Variants in ENTPD1 observed in about 807,000 individuals in gnomAD.
The protein encoded by ENTPD1 is ectonucleoside triphosphate diphosphohydrolase 1.
A neutral mutation model predicts 57.0 loss-of-function variants in ENTPD1; 33 were observed. The ratio of observed to expected loss-of-function variants is 0.58; its 90% CI spans 0.44 to 0.77. The LOEUF (loss-of-function observed/expected upper bound fraction) is 0.77, where lower values mean the gene tolerates loss of function less well. Among genes scored for constraint, ENTPD1 ranks in the 30% least tolerant of loss-of-function variants. The pLI is 0.00. For synonymous variants in ENTPD1, 202 were observed against 218.8 expected (o/e 0.92, Z 0.68); for missense variants, 501 against 603.4 (o/e 0.83, Z 1.78).
intron 1 of ENTPD1, among the ~76,000 whole-genome samples, chr10:95,745,381 C>A (rs575700214): frequency 6.6e-6 from 1 of 152,132 alleles, no homozygotes; most frequent in South Asian, 2.1e-4. Flanking sequence ...AAGACGAGAT[C>A]CATTATGTTG....
chr10:95,792,719 G>T (rs2098210036), intron 1 of ENTPD1, among the ~76,000 whole-genome samples: 1 of 152,166 alleles, frequency 6.6e-6, no homozygotes, highest in African/African-American at 2.4e-5. Context: ...TTGGTTTTTA[G>T]GCTGGTCTGT....
chr10:95,729,445 C>G (rs1270260067), intron 1 of ENTPD1, among the ~76,000 whole-genome samples: 1 of 152,180 alleles, frequency 6.6e-6, no homozygotes, highest in Non-Finnish European at 1.5e-5. Context: ...AGGGCACTAT[C>G]TGTTTCCTCA....
intron 1 of ENTPD1, among the ~76,000 whole-genome samples, chr10:95,768,530 C>A (rs1445955045): frequency 2.0e-5 from 3 of 150,574 alleles, no homozygotes; most frequent in Non-Finnish European, 4.4e-5. Context: ...CTTTCTCCTT[C>A]CTTCTTTATT....
chr10:95,708,843 T>C (rs2097963536), upstream of ENTPD1, among the ~76,000 whole-genome samples: 1 of 152,204 alleles, frequency 6.6e-6, no homozygotes, highest in African/African-American at 2.4e-5. Flanking sequence ...TGTGGTAGTA[T>C]GTATGTTGTG....
chr10:95,789,687 A>C (rs1444104888), intron 1 of ENTPD1, among the ~76,000 whole-genome samples: 2 of 152,230 alleles, frequency 1.3e-5, no homozygotes, highest in African/African-American at 4.8e-5. Context: ...TGAAATATAC[A>C]CAAATCTATT....
chr10:95,806,434 G>A (rs1371664134), intron 1 of ENTPD1, among the ~76,000 whole-genome samples: 1 of 152,146 alleles, frequency 6.6e-6, no homozygotes, highest in Non-Finnish European at 1.5e-5. Context: ...GTTTGAACAT[G>A]CTCCTTTAGT....
rs146285399 is a variant in ENTPD1, at chr10:95,819,371, A to AC, written c.17-3860dup. Among the ~76,000 whole-genome samples the AC allele has an allele frequency of 5.6e-3, 854 of 151,250 alleles. 14 individuals carry two copies. Among genetic ancestry groups the AC allele is most frequent in the African/African-American group, 0.02 (818 of 41,176 alleles). On this transcript the variant is annotated intron_variant, in intron 1 of 9. Coordinates refer to ENST00000371205, the MANE Select transcript of ENTPD1 (RefSeq NM_001776.6). ...TGTAGAGACAGATTTTCACCATGTT[A>AC]CCCCCCAGTCTCAAACTCCTGGACT... is the stretch of plus-strand genomic sequence containing the variant.
At chr10:95,737,638 C>T (rs748510081) in intron 1 of ENTPD1, among the ~76,000 whole-genome samples, 2 of 152,142 alleles carry the variant, frequency 1.3e-5, no homozygotes, top group Non-Finnish European at 2.9e-5. Context: ...CCACCTGCTT[C>T]GGCCTCCCAA....
rs145856871 is a variant in ENTPD1, at chr10:95,805,586, C to T, written c.17-17651C>T. ...AGCTGATGCAGTTTCTTTCTCGTAT[C>T]GATGGTCTTTACAATTTGGCATGTT... On this transcript the variant is annotated intron_variant, in intron 1 of 9. Coordinates refer to ENST00000371205, the MANE Select transcript of ENTPD1 (RefSeq NM_001776.6). Among the ~76,000 whole-genome samples, 202 of 152,200 alleles carry T rather than the reference C, an allele frequency of 1.3e-3. No individual in the cohort carries two copies. In the East Asian group the frequency reaches 0.018, roughly 14 times the overall value.
At chr10:95,766,883 C>CT (rs377239129) in intron 1 of ENTPD1, among the ~76,000 whole-genome samples, 6,452 of 142,734 alleles carry the variant, frequency 0.045, 213 homozygotes, top group African/African-American at 0.084. Context: ...TTGTAGCAAT[C>CT]TTTTTTTTTT....
At position 95,823,259 on chromosome 10, in the gene ENTPD1, C is replaced by T. The variant is rs766814208; in HGVS notation, c.39C>T (p.Cys13=). 1.3e-5 allele frequency: 21 copies of T among 1,614,020 alleles called. No individual in the cohort carries two copies. Among genetic ancestry groups the T allele is most frequent in the Non-Finnish European group, 1.4e-5 (17 of 1,180,000 alleles). Residue 13 remains cysteine, a synonymous_variant, in exon 2 of 10, where the codon TGC becomes TGT. Transcript: ENST00000371205. The part of the protein sequence containing the change: ...DTKESNVKTF[C]SKNILAILGF... The stretch of plus-strand genomic sequence containing the variant: ...TAGAGTCTAACGTGAAGACATTTTG[C>T]TCCAAGAATATCCTAGCCATCCTTG...
In ENTPD1 at chr10:95,824,141, AT is replaced by A. The variant is rs555013280; in HGVS notation, c.144+780del. On this transcript the variant is annotated intron_variant, in intron 2 of 9. Coordinates refer to ENST00000371205, the MANE Select transcript of ENTPD1 (RefSeq NM_001776.6). ...ATTAAAAAGCATGTGGTAAATAAAAATTTATACTATAAATACACCATTTTAA... is the reference window on the plus strand; with the variant it reads ...ATTAAAAAGCATGTGGTAAATAAAAATTATACTATAAATACACCATTTTAA... Among the ~76,000 whole-genome samples, 40 of 152,344 alleles carry A rather than the reference AT, an allele frequency of 2.6e-4. No homozygotes were observed. In the South Asian group the frequency reaches 8.3e-3, roughly 32 times the overall value.
At chr10:95,830,264 G>A (rs1031487211) in intron 2 of ENTPD1, among the ~76,000 whole-genome samples, 1 of 152,250 alleles carries the variant, frequency 6.6e-6, no homozygotes, top group Non-Finnish European at 1.5e-5. Flanking sequence ...CAATCCCTGG[G>A]GAATCAGCAG....
intron 1 of ENTPD1, among the ~76,000 whole-genome samples, chr10:95,733,085 G>A (rs1384537791): frequency 6.6e-6 from 1 of 152,120 alleles, no homozygotes; most frequent in Non-Finnish European, 1.5e-5. Context: ...TGGAGACCAG[G>A]GCTTATTTCA....
At chr10:95,755,615 C>T (rs2098020234), upstream of ENTPD1, 17 of 1,361,676 alleles carry the variant, frequency 1.2e-5, no homozygotes, top group Non-Finnish European at 1.7e-5. Flanking sequence ...CAACCAATAA[C>T]GCAGCGTCTC....
intron 1 of ENTPD1, among the ~76,000 whole-genome samples, chr10:95,820,198 G>A (rs2098344310): frequency 6.6e-6 from 1 of 152,198 alleles, no homozygotes; most frequent in African/African-American, 2.4e-5. Flanking sequence ...GTCCATGGAA[G>A]ATAGCATTTT....
At chr10:95,714,459 C>G (rs1447145643) in intron 1 of ENTPD1, among the ~76,000 whole-genome samples, 1 of 152,150 alleles carries the variant, frequency 6.6e-6, no homozygotes, top group African/African-American at 2.4e-5. Flanking sequence ...TAACTAACCA[C>G]TGTTCTCTTT....
intron 5 of ENTPD1, among the ~76,000 whole-genome samples, 170 bp from the exon 6 acceptor site, chr10:95,845,187 A>G (rs530971403): frequency 6.6e-6 from 1 of 152,300 alleles, no homozygotes; most frequent in East Asian, 1.9e-4. Context: ...ATGTCTTTGA[A>G]GCCCCTCTTT....
Position 95,870,330 on chromosome 10 carries a change from G to A in ENTPD1, c.*3947G>A. 1.0e-6 allele frequency: 1 copy of A among 973,478 alleles called. No individual in the cohort carries two copies. The highest frequency in any genetic ancestry group is 1.2e-6 in the Non-Finnish European group (1 of 819,172). The allele number at this position is 973,478 out of a possible 1,614,324, so 60.3% of individuals were successfully genotyped here. ...GAGCTAGTCTTGCTCTGTTGCCCAG[G>A]CTGGAATGCAGTGGCATGATCATGG... On this transcript the variant is annotated 3_prime_UTR_variant, in exon 10 of 10. Transcript: ENST00000371205.
Sources: allele counts gnomAD v4.1 joint callset (sites outside exome capture counted in the v4.1 genomes callset), GRCh38; gene constraint gnomAD v4.1.1; transcripts MANE v1.5; gene names NCBI Gene and HGNC (gene_info 2026-07-23, HGNC 2026-07-21).